The following RCC1L variants were observed in gnomAD, a reference collection of about 807,000 sequenced individuals.
The protein encoded by RCC1L is RCC1 like, also known as RCC1-like G exchanging factor-like protein.
RCC1L carries 46 observed loss-of-function variants against 58.6 expected under a neutral mutation model. The observed-to-expected ratio is 0.79, with a 90% CI of 0.62 to 1.00. The LOEUF is 1.00. RCC1L is among the 50% of genes least tolerant of loss of function. RCC1L has a pLI of 0.00. For synonymous variants in RCC1L, 281 were observed against 262.9 expected, an observed-to-expected ratio of 1.07 and a Z score of -0.67; for missense variants, 636 against 623.6, an observed-to-expected ratio of 1.02 and a Z score of -0.21.
At chr7:75,057,972 A>G (rs1418557864) in intron 7 of RCC1L, 1 of 340,712 alleles carries the variant, frequency 2.9e-6, no homozygotes, top group Non-Finnish European at 5.8e-6. Flanking sequence ...AGCCTGGCCA[A>G]CATGGTGAAA....
intron 10 of RCC1L, among the ~76,000 whole-genome samples, chr7:75,032,250 G>T (rs946234279): frequency 6.6e-6 from 1 of 152,136 alleles, no homozygotes; most frequent in African/African-American, 2.4e-5. Context: ...GGAGTTGGAC[G>T]GGGCCTTTCT....
chr7:75,027,927 T>C, exon 11 of RCC1L: 1 of 1,280,098 alleles, frequency 7.8e-7, no homozygotes, highest in South Asian at 1.3e-5. Flanking sequence ...GGAGGGTCTC[T>C]CCAGGCCCCA....
chr7:75,032,757 T>C (rs974526860), intron 10 of RCC1L, among the ~76,000 whole-genome samples: 3 of 152,142 alleles, frequency 2.0e-5, no homozygotes, highest in Non-Finnish European at 2.9e-5. Context: ...AGACAAGTCC[T>C]GTCGCTCGGG....
At chr7:75,065,537 A>C (rs947065978) in intron 3 of RCC1L, among the ~76,000 whole-genome samples, 4 of 150,752 alleles carry the variant, frequency 2.7e-5, no homozygotes, top group Non-Finnish European at 5.9e-5. Flanking sequence ...CCTGGGTGGC[A>C]GAGCAAGACT....
chr7:75,048,701 G>A (rs999330845), intron 10 of RCC1L, among the ~76,000 whole-genome samples: 2 of 152,218 alleles, frequency 1.3e-5, no homozygotes, highest in African/African-American at 4.8e-5. Flanking sequence ...ACACCCCCTC[G>A]CTGCCTGCTG....
intron 10 of RCC1L, among the ~76,000 whole-genome samples, chr7:75,034,288 G>A (rs1396167014): frequency 6.6e-6 from 1 of 152,136 alleles, no homozygotes; most frequent in Non-Finnish European, 1.5e-5. Flanking sequence ...GTCCAAGGTG[G>A]GCGGATTGTC....
intron 6 of RCC1L, among the ~76,000 whole-genome samples, chr7:75,060,351 G>A (rs1806232078): frequency 6.6e-6 from 1 of 152,258 alleles, no homozygotes; most frequent in Non-Finnish European, 1.5e-5. Context: ...TTGGGCTGCT[G>A]GCCAGGGGTT....
chr7:75,043,746 T>C lies in RCC1L; in HGVS notation c.1318-637A>G, dbSNP rs1012879962. On this transcript the variant is annotated intron_variant, in intron 10 of 10. Transcript: ENST00000610322. ...GGGAGAATTGCTTGAACCCAGGAGG[T>C]AGAGGCTGCAGTGAGCCAAGATTGC... Among the ~76,000 whole-genome samples the C allele has an allele frequency of 7.2e-5, 11 of 151,906 alleles. 1 individual carries two copies. In the East Asian group the frequency reaches 1.2e-3, roughly 16 times the overall value.
intron 1 of RCC1L, among the ~76,000 whole-genome samples, chr7:75,071,955 A>G (rs1190903077): frequency 6.6e-6 from 1 of 150,972 alleles, no homozygotes; most frequent in Non-Finnish European, 1.5e-5. Flanking sequence ...GTCTCTATGA[A>G]AAAATCAAAA....
intron 9 of RCC1L, 154 bp downstream of exon 9, chr7:75,055,747 C>T: frequency 1.2e-6 from 1 of 862,646 alleles, no homozygotes; most frequent in Non-Finnish European, 1.9e-6. Context: ...TCGAGGCAAA[C>T]AACTTCTGGC....
At chr7:75,039,170 C>A (rs1805491385), downstream of RCC1L, among the ~76,000 whole-genome samples, 1 of 152,172 alleles carries the variant, frequency 6.6e-6, no homozygotes, top group Non-Finnish European at 1.5e-5. Flanking sequence ...CTCCCACTGC[C>A]GTCCAGGTGA....
At chr7:75,029,085 G>A in intron 10 of RCC1L, among the ~76,000 whole-genome samples, 1 of 152,238 alleles carries the variant, frequency 6.6e-6, no homozygotes, top group East Asian at 1.9e-4. Context: ...GGATGCCCTG[G>A]AGGTCAGGAG....
intron 10 of RCC1L, among the ~76,000 whole-genome samples, chr7:75,051,311 T>TACACACAC (rs1205022298): frequency 1.4e-5 from 2 of 147,340 alleles, no homozygotes; most frequent in African/African-American, 5.1e-5. Context: ...CATATATATA[T>TACACACAC]ACACACATAT....
intron 1 of RCC1L, among the ~76,000 whole-genome samples, chr7:75,072,161 C>CATATACATATACATATATATAT (rs1455614533): frequency 3.2e-4 from 15 of 46,366 alleles, no homozygotes; most frequent in South Asian, 8.9e-4. Flanking sequence ...TATACATATA[C>CATATACATATACATATATATAT]ATATATATAT....
intron 1 of RCC1L, among the ~76,000 whole-genome samples, chr7:75,071,597 G>A (rs759768703): frequency 6.6e-6 from 1 of 152,128 alleles, no homozygotes; most frequent in African/African-American, 2.4e-5. Flanking sequence ...CCAAGATGGC[G>A]CCACTGCATT....
At chr7:75,054,421 C>T (rs888086374) in intron 9 of RCC1L, among the ~76,000 whole-genome samples, 4 of 152,166 alleles carry the variant, frequency 2.6e-5, no homozygotes, top group African/African-American at 7.2e-5. Context: ...AATTTCATTT[C>T]GCTGTGACCT....
chr7:75,055,550 CT>C (rs1806047903), intron 9 of RCC1L: 1 of 355,330 alleles, frequency 2.8e-6, no homozygotes, highest in African/African-American at 2.1e-5. Flanking sequence ...CATTCACTTC[CT>C]AATCACCCAC....
intron 10 of RCC1L, among the ~76,000 whole-genome samples, chr7:75,046,396 G>C (rs1342563531): frequency 6.6e-6 from 1 of 152,290 alleles, no homozygotes; most frequent in East Asian, 1.9e-4. Flanking sequence ...GGGACAGTGC[G>C]CTTCCTCACG....
chr7:75,044,599 G>GAAAA (rs1169350324), intron 10 of RCC1L, among the ~76,000 whole-genome samples: 1 of 40,668 alleles, frequency 2.5e-5, no homozygotes, highest in African/African-American at 1.1e-4. Flanking sequence ...ACTCTGTCTC[G>GAAAA]AAAAAAAAAA....
Sources: gnomAD v4.1 joint callset for allele counts (sites outside exome capture counted in the v4.1 genomes callset) on GRCh38, gnomAD v4.1.1 for gene constraint, MANE v1.5 for transcripts, NCBI Gene and HGNC (gene_info 2026-07-23, HGNC 2026-07-21) for gene names.